The following PPIG variants were observed in gnomAD, a reference collection of about 807,000 sequenced individuals.
PPIG encodes the protein peptidylprolyl isomerase G, also known as peptidyl-prolyl cis-trans isomerase G.
In PPIG, 26 loss-of-function variants were observed where a neutral mutation model predicts 87.9. That is an observed-to-expected ratio of 0.30 (90% CI 0.22 to 0.41). PPIG has a LOEUF of 0.41. PPIG is among the 10% of genes least tolerant of loss of function. PPIG has a pLI of 1.00. For missense variants in PPIG, 722 were observed against 879.4 expected, an observed-to-expected ratio of 0.82 and a Z score of 2.26; for synonymous variants, 308 against 276.5, an observed-to-expected ratio of 1.11 and a Z score of -1.13.
intron 1 of PPIG, among the ~76,000 whole-genome samples, chr2:169,585,545 C>T (rs1289010227): frequency 6.6e-6 from 1 of 152,062 alleles, no homozygotes; most frequent in Non-Finnish European, 1.5e-5. Context: ...AGGCGAGAGC[C>T]ACCGCGCACG....
intron 9 of PPIG, among the ~76,000 whole-genome samples, chr2:169,615,552 G>C (rs963206615): frequency 1.3e-5 from 2 of 152,170 alleles, no homozygotes; most frequent in Non-Finnish European, 2.9e-5. Context: ...CCACATGTAA[G>C]TGAGTTCATA....
rs1220119822 is a variant in PPIG, at chr2:169,638,919, T to G, written c.*1396T>G. On this transcript the variant is annotated 3_prime_UTR_variant, in exon 14 of 14. Coordinates refer to ENST00000260970, the MANE Select transcript of PPIG (RefSeq NM_004792.3). ...CAATTAATAGGATTCTCTAGAGAGT[T>G]TTGTACTTTAATATTTGTCAGTGTA... The G allele has an allele frequency of 6.6e-6, 1 of 151,988 alleles. No individual in the cohort carries two copies. Among genetic ancestry groups the G allele is most frequent in the Non-Finnish European group, 1.5e-5 (1 of 67,906 alleles). The allele number at this position is 151,988 out of a possible 1,614,324, so 9.4% of individuals were successfully genotyped here.
chr2:169,589,923 A>G (rs550552150), intron 1 of PPIG, among the ~76,000 whole-genome samples: 1 of 152,070 alleles, frequency 6.6e-6, no homozygotes, highest in Non-Finnish European at 1.5e-5. Flanking sequence ...CAGTCTGACC[A>G]ACATGGAGAA....
At chr2:169,611,767 TTC>T (rs1685495162) in intron 7 of PPIG, among the ~76,000 whole-genome samples, 1 of 152,180 alleles carries the variant, frequency 6.6e-6, no homozygotes, top group Non-Finnish European at 1.5e-5. Context: ...CATATATATA[TTC>T]TCAGAATCTT....
chr2:169,593,605 A>T (rs1186761478), intron 1 of PPIG, among the ~76,000 whole-genome samples: 4 of 149,542 alleles, frequency 2.7e-5, no homozygotes, highest in Non-Finnish European at 4.5e-5. Context: ...GAAGGTCGGG[A>T]GTAGTTTACA....
chr2:169,586,870 A>C (rs1312370376), intron 1 of PPIG, among the ~76,000 whole-genome samples: 1 of 152,216 alleles, frequency 6.6e-6, no homozygotes, highest in Non-Finnish European at 1.5e-5. Flanking sequence ...TAATTAATGC[A>C]AGTGACCTGA....
intron 1 of PPIG, among the ~76,000 whole-genome samples, chr2:169,589,720 G>C (rs1031109567): frequency 1.3e-5 from 2 of 152,102 alleles, no homozygotes; most frequent in African/African-American, 4.8e-5. Flanking sequence ...AATGGGTTCT[G>C]TTTCAGTTGT....
At chr2:169,622,719 T>TG (rs1685788866) in intron 9 of PPIG, among the ~76,000 whole-genome samples, 1 of 152,188 alleles carries the variant, frequency 6.6e-6, no homozygotes, top group African/African-American at 2.4e-5. Context: ...AACACACACT[T>TG]GGGCCCCTGT....
intron 9 of PPIG, among the ~76,000 whole-genome samples, chr2:169,624,178 G>A (rs1558898344): frequency 6.6e-6 from 1 of 152,136 alleles, no homozygotes; most frequent in Non-Finnish European, 1.5e-5. Flanking sequence ...TGTTGCCCAG[G>A]CAGGTCTCAA....
At position 169,641,141 on chromosome 2, in the gene PPIG, CTT is replaced by C. The variant is rs1396003259; in HGVS notation, c.*3620_*3621del. ...GGATGTACAAAATTGTGGCCGCTCT[CTT>C]TGTGGAAGGAAAAAACATAAATGAA... On this transcript the variant is annotated 3_prime_UTR_variant, in exon 14 of 14. Coordinates refer to ENST00000260970, the MANE Select transcript of PPIG (RefSeq NM_004792.3). 6.8e-6 allele frequency: 1 copy of C among 147,220 alleles called. No individual in the cohort carries two copies. Among genetic ancestry groups the C allele is most frequent in the Non-Finnish European group, 1.5e-5 (1 of 66,120 alleles). The allele number at this position is 147,220 out of a possible 1,614,324, so 9.1% of individuals were successfully genotyped here. A position where few individuals can be genotyped will look rare whatever the true frequency, so the allele number is the denominator to read the frequency against.
At chr2:169,605,730 C>G (rs1685307925) in intron 4 of PPIG, among the ~76,000 whole-genome samples, 1 of 151,366 alleles carries the variant, frequency 6.6e-6, no homozygotes, top group Admixed American at 6.6e-5. Flanking sequence ...ACCCAGGAGG[C>G]GCAGGTTGCA....
At chr2:169,626,980 G>C (rs1685905208) in intron 9 of PPIG, among the ~76,000 whole-genome samples, 1 of 152,120 alleles carries the variant, frequency 6.6e-6, no homozygotes, top group Non-Finnish European at 1.5e-5. Flanking sequence ...AAAGTGCTAG[G>C]ATTACAGGTG....
At chr2:169,628,939 C>CAAAAAAAAAAAAAAAA (rs71006010) in intron 9 of PPIG, among the ~76,000 whole-genome samples, 11 of 92,330 alleles carry the variant, frequency 1.2e-4, no homozygotes, top group African/African-American at 4.5e-4. Flanking sequence ...ACCCTGTCTC[C>CAAAAAAAAAAAAAAAA]AAAAAAAAAA....
Position 169,639,782 on chromosome 2 carries a change from G to A in PPIG, c.*2259G>A, listed in dbSNP as rs182386940. The stretch of plus-strand genomic sequence containing the variant: ...CTGCGCATGCATCTGAATAGCACAC[G>A]GCTCAAATGGTCCTTTCCTTTTGTT... On this transcript the variant is annotated 3_prime_UTR_variant, in exon 14 of 14. Transcript: ENST00000260970. 1 of 152,020 alleles carries A rather than the reference G, an allele frequency of 6.6e-6. No homozygotes were observed. The highest frequency in any genetic ancestry group is 2.4e-5 in the African/African-American group (1 of 41,410). The allele number at this position is 152,020 out of a possible 1,614,324, so 9.4% of individuals were successfully genotyped here.
intron 9 of PPIG, among the ~76,000 whole-genome samples, chr2:169,621,652 A>C (rs1216538874): frequency 6.6e-6 from 1 of 152,140 alleles, no homozygotes; most frequent in Non-Finnish European, 1.5e-5. Context: ...TTTTTAGTAC[A>C]GTAGGAATAT....
At chr2:169,588,324 AAAGT>A (rs1362648606) in intron 1 of PPIG, among the ~76,000 whole-genome samples, 3 of 152,164 alleles carry the variant, frequency 2.0e-5, no homozygotes, top group African/African-American at 4.8e-5. Flanking sequence ...TATATGGTGA[AAAGT>A]AATATTAAGC....
intron 9 of PPIG, among the ~76,000 whole-genome samples, chr2:169,620,388 C>G (rs1038942136): frequency 1.3e-5 from 2 of 151,796 alleles, no homozygotes; most frequent in African/African-American, 4.8e-5. Context: ...CTGTTTTATC[C>G]TACTTCTCAT....
chr2:169,599,850 T>C (rs981175357), intron 1 of PPIG, among the ~76,000 whole-genome samples: 3 of 152,214 alleles, frequency 2.0e-5, no homozygotes, highest in African/African-American at 4.8e-5. Flanking sequence ...AAAATTAATA[T>C]TCTCAGCAAC....
chr2:169,618,381 G>T lies in PPIG; in HGVS notation c.547+3657G>T, dbSNP rs1250423568. On this transcript the variant is annotated intron_variant, in intron 9 of 13. Coordinates refer to ENST00000260970, the MANE Select transcript of PPIG (RefSeq NM_004792.3). ...TGCTGGCCTCATAAAATGAGTTAGG[G>T]AGGAGTCCCCCTTTTTCTATTGTTT... is the stretch of plus-strand genomic sequence containing the variant. 2.6e-5 allele frequency among the ~76,000 whole-genome samples: 4 copies of T among 152,280 alleles called. No homozygotes were observed. The South Asian group carries it at 8.3e-4, about 32-fold the overall frequency.
Sources: allele counts gnomAD v4.1 joint callset (sites outside exome capture counted in the v4.1 genomes callset), GRCh38; gene constraint gnomAD v4.1.1; transcripts MANE v1.5; gene names NCBI Gene and HGNC (gene_info 2026-07-23, HGNC 2026-07-21).